SERPINI2: variants seen among roughly 807,000 people sequenced by gnomAD.
SERPINI2 encodes serpin I2.
SERPINI2 carries 48 observed loss-of-function variants against 47.3 expected under a neutral mutation model. The ratio of observed to expected loss-of-function variants is 1.02; its 90% CI spans 0.81 to 1.29. SERPINI2 has a LOEUF of 1.29. Ranked by LOEUF, SERPINI2 falls within the 50% of genes most tolerant of loss-of-function variation. SERPINI2 has a pLI of 0.00. For synonymous variants in SERPINI2, 135 were observed against 149.3 expected, an observed-to-expected ratio of 0.90 and a Z score of 0.70; for missense variants, 448 against 456.9, an observed-to-expected ratio of 0.98 and a Z score of 0.18.
intron 6 of SERPINI2, among the ~76,000 whole-genome samples, chr3:167,451,869 C>T (rs1049705338): frequency 6.6e-6 from 1 of 152,162 alleles, no homozygotes; most frequent in Non-Finnish European, 1.5e-5. Context: ...TCTCAGGGCA[C>T]ACTTACAGAG....
chr3:167,446,564 C>G (rs2272140), intron 7 of SERPINI2, 83 bp from the exon 8 acceptor site: 5 of 859,564 alleles, frequency 5.8e-6, no homozygotes, highest in Non-Finnish European at 8.9e-6. Flanking sequence ...ATTTTGTAGA[C>G]AGGAAAAGTC....
chr3:167,454,513 G>C (rs1461245628), intron 5 of SERPINI2, among the ~76,000 whole-genome samples: 1 of 152,098 alleles, frequency 6.6e-6, no homozygotes, highest in Admixed American at 6.6e-5. Context: ...TATTACCACA[G>C]TCTTTAAACT....
intron 6 of SERPINI2, among the ~76,000 whole-genome samples, chr3:167,451,709 A>C (rs1749646060): frequency 6.6e-6 from 1 of 152,224 alleles, no homozygotes; most frequent in Non-Finnish European, 1.5e-5. Context: ...ATTTTTTAGA[A>C]GTCACAAATT....
intron 8 of SERPINI2, among the ~76,000 whole-genome samples, chr3:167,443,204 T>G (rs1023395554): frequency 5.3e-5 from 8 of 152,118 alleles, no homozygotes; most frequent in African/African-American, 1.9e-4. Flanking sequence ...GCCTCCCGGG[T>G]TCACGCCATT....
chr3:167,457,774 A>T (rs890162338), intron 5 of SERPINI2, among the ~76,000 whole-genome samples: 2 of 152,250 alleles, frequency 1.3e-5, no homozygotes, highest in Admixed American at 6.5e-5. Flanking sequence ...TGCTATGCAG[A>T]AATAAACACA....
At chr3:167,452,826 T>G in intron 6 of SERPINI2, 110 bp downstream of exon 6, 2 of 606,238 alleles carry the variant, frequency 3.3e-6, no homozygotes, top group Non-Finnish European at 5.8e-6. Flanking sequence ...TTATTCACTG[T>G]GCGTATATTT....
At chr3:167,464,419 G>A (rs577091230) in intron 5 of SERPINI2, among the ~76,000 whole-genome samples, 1 of 152,170 alleles carries the variant, frequency 6.6e-6, no homozygotes, top group East Asian at 1.9e-4. Context: ...GACTATGACT[G>A]AAATAACTAA....
intron 8 of SERPINI2, 97 bp from the exon 9 acceptor site, chr3:167,442,282 C>CT (rs1406066413): frequency 3.6e-6 from 3 of 836,408 alleles, no homozygotes; most frequent in Admixed American, 3.2e-5. Flanking sequence ...GTCATTTGGT[C>CT]TTTTTTCTCT....
chr3:167,442,258 T>G, intron 8 of SERPINI2, 73 bp from the exon 9 acceptor site: 2 of 1,102,698 alleles, frequency 1.8e-6, no homozygotes, highest in Non-Finnish European at 2.5e-6. Flanking sequence ...TTAGTTTTTC[T>G]TAATATTTAA....
intron 6 of SERPINI2, among the ~76,000 whole-genome samples, chr3:167,451,803 A>C (rs1345928253): frequency 2.0e-5 from 3 of 152,202 alleles, no homozygotes; most frequent in Admixed American, 2.0e-4. Flanking sequence ...GAAGTTTAAG[A>C]AAAGGAAGTG....
At chr3:167,456,555 TCCTACTGCTCAC>T (rs1191725401) in intron 5 of SERPINI2, among the ~76,000 whole-genome samples, 1 of 152,184 alleles carries the variant, frequency 6.6e-6, no homozygotes, top group Non-Finnish European at 1.5e-5. Context: ...AGATCTCTCA[TCCTACTGCTCAC>T]CCTATCACTG....
At chr3:167,471,457 A>G (rs1001639237) in intron 2 of SERPINI2, 131 bp downstream of exon 2, 6 of 861,242 alleles carry the variant, frequency 7.0e-6, no homozygotes, top group Non-Finnish European at 1.0e-5. Flanking sequence ...ACAATTCTCC[A>G]TTTTATTACA....
intron 6 of SERPINI2, among the ~76,000 whole-genome samples, chr3:167,452,254 T>C (rs1749661098): frequency 6.6e-6 from 1 of 152,222 alleles, no homozygotes. Context: ...GTAAGTAACT[T>C]GGGACAAACT....
chr3:167,454,002 G>T (rs570282744), intron 5 of SERPINI2, among the ~76,000 whole-genome samples: 8 of 152,286 alleles, frequency 5.3e-5, no homozygotes, highest in African/African-American at 1.9e-4. Flanking sequence ...CTTAAACAGG[G>T]AGCTATATAT....
chr3:167,456,484 T>A (rs1315576832), intron 5 of SERPINI2, among the ~76,000 whole-genome samples: 1 of 152,156 alleles, frequency 6.6e-6, no homozygotes, highest in African/African-American at 2.4e-5. Context: ...AAAAAGATGA[T>A]CATTTATGTC....
chr3:167,463,364 G>A (rs1245176386), intron 5 of SERPINI2, among the ~76,000 whole-genome samples: 1 of 152,138 alleles, frequency 6.6e-6, no homozygotes. Context: ...AAATGAAAGA[G>A]AAGTTGGGGT....
chr3:167,461,551 G>A lies in SERPINI2; in HGVS notation c.866+3655C>T, dbSNP rs79834759. The stretch of plus-strand genomic sequence containing the variant: ...GAGATGGGGAAGTTTGAGATGACGA[G>A]GGCGTAAGCTATTTTATATGATATG... On this transcript the variant is annotated intron_variant, in intron 5 of 8. Transcript: ENST00000264677. Among the ~76,000 whole-genome samples the A allele has an allele frequency of 7.5e-3, 1,146 of 152,106 alleles. 8 individuals carry two copies. The highest frequency in any genetic ancestry group is 0.017 in the Middle Eastern group (5 of 290).
chr3:167,467,169 G>A lies in SERPINI2; in HGVS notation c.364C>T (p.Gln122Ter). The A allele has an allele frequency of 6.2e-7, 1 of 1,613,274 alleles. No homozygotes were observed. Among genetic ancestry groups the A allele is most frequent in the South Asian group, 1.1e-5 (1 of 91,060 alleles). ...AATTCCTTGTTGCCATGGAGATACTGTTCTTTCACAGTGAATCCTTCTTGA... is the reference window on the plus strand; with the variant it reads ...AATTCCTTGTTGCCATGGAGATACTATTCTTTCACAGTGAATCCTTCTTGA... Residue 122 changes from glutamine (Q) to a stop codon, truncating the protein, a stop_gained, in exon 3 of 9, where the codon CAG becomes TAG. Coordinates refer to ENST00000264677, the Ensembl canonical transcript of SERPINI2. LOFTEE classifies it high-confidence loss of function.
In SERPINI2 at chr3:167,452,920, T is replaced by C; in HGVS notation, c.964+16A>G. 1 of 1,478,120 alleles carries C rather than the reference T, an allele frequency of 6.8e-7. No homozygotes were observed. The allele number at this position is 1,478,120 out of a possible 1,614,324, so 91.6% of individuals were successfully genotyped here. A position where few individuals can be genotyped will look rare whatever the true frequency, so the allele number is the denominator to read the frequency against. On this transcript the variant is annotated intron_variant, in intron 6 of 8. Coordinates refer to ENST00000264677, the Ensembl canonical transcript of SERPINI2. Reference sequence around the variant, plus strand: ...ACAAATTAACATCATAATATAAGAATTATTTATCATACTACCTGTTATTCC... The same window carrying C: ...ACAAATTAACATCATAATATAAGAACTATTTATCATACTACCTGTTATTCC...
Sources: allele counts gnomAD v4.1 joint callset (sites outside exome capture counted in the v4.1 genomes callset), GRCh38; gene constraint gnomAD v4.1.1; transcripts MANE v1.5; gene names NCBI Gene and HGNC (gene_info 2026-07-23, HGNC 2026-07-21).